Variants in TCF4 observed in about 807,000 individuals in gnomAD.
The protein encoded by TCF4 is SL3-3 enhancer factor 2.
TCF4 carries 3 observed loss-of-function variants against 82.1 expected under a neutral mutation model. That is an observed-to-expected ratio of 0.04 (90% CI 0.02 to 0.09). The LOEUF (loss-of-function observed/expected upper bound fraction) is 0.09, where lower values mean the gene tolerates loss of function less well. Ranked by LOEUF, TCF4 falls within the 10% of genes least tolerant of loss-of-function variation. The probability of loss-of-function intolerance (pLI) is 1.00; values close to 1 mark genes in which losing one functional copy is unlikely to be tolerated. For synonymous variants in TCF4, 276 were observed against 309.6 expected, an observed-to-expected ratio of 0.89 and a Z score of 1.14; for missense variants, 518 against 852.7, an observed-to-expected ratio of 0.61 and a Z score of 4.89.
At chr18:55,363,483 G>C (rs1031523594) in intron 6 of TCF4, among the ~76,000 whole-genome samples, 20 of 152,200 alleles carry the variant, frequency 1.3e-4, no homozygotes, top group African/African-American at 4.6e-4. Context: ...AGAACATATT[G>C]GGACCCAGAC....
At chr18:55,303,465 CA>C (rs1175294412) in intron 8 of TCF4, among the ~76,000 whole-genome samples, 1 of 152,160 alleles carries the variant, frequency 6.6e-6, no homozygotes, top group African/African-American at 2.4e-5. Context: ...GGAGGAATAT[CA>C]GTCGAATATA....
At chr18:55,354,453 C>G (rs945438941) in intron 6 of TCF4, among the ~76,000 whole-genome samples, 5 of 152,180 alleles carry the variant, frequency 3.3e-5, no homozygotes, top group Admixed American at 1.3e-4. Flanking sequence ...CAGCCTTGAT[C>G]AACCACTGAA....
chr18:55,451,065 A>G (rs1005568080), intron 5 of TCF4, among the ~76,000 whole-genome samples: 2 of 152,204 alleles, frequency 1.3e-5, no homozygotes, highest in African/African-American at 4.8e-5. Flanking sequence ...CTGGCTAAAA[A>G]AGAAGCCTTT....
chr18:55,293,931 C>CA (rs2065762196), intron 8 of TCF4, among the ~76,000 whole-genome samples: 1 of 40,034 alleles, frequency 2.5e-5, no homozygotes, highest in Non-Finnish European at 5.1e-5. Flanking sequence ...TTTCCAAGGA[C>CA]TTTTTTTTTT....
intron 3 of TCF4, among the ~76,000 whole-genome samples, chr18:55,567,731 A>G (rs1461581588): frequency 1.3e-5 from 2 of 152,126 alleles, no homozygotes; most frequent in East Asian, 3.9e-4. Context: ...AAAAGGACAC[A>G]ATCAACAAGC....
At chr18:55,521,740 T>A (rs185577270) in intron 3 of TCF4, among the ~76,000 whole-genome samples, 44 of 152,296 alleles carry the variant, frequency 2.9e-4, no homozygotes, top group African/African-American at 1.0e-3. Flanking sequence ...TTATAATAAA[T>A]ATCTAGACAG....
intron 3 of TCF4, among the ~76,000 whole-genome samples, chr18:55,514,816 C>CT (rs1249203214): frequency 3.3e-5 from 5 of 151,844 alleles, no homozygotes; most frequent in Non-Finnish European, 7.4e-5. Flanking sequence ...ATTATTTACT[C>CT]TTTTTTTACA....
intron 3 of TCF4, among the ~76,000 whole-genome samples, chr18:55,549,613 A>G (rs1474135018): frequency 6.6e-6 from 1 of 152,188 alleles, no homozygotes; most frequent in Non-Finnish European, 1.5e-5. Context: ...TCACTGGACA[A>G]CAACAGCATG....
intron 3 of TCF4, among the ~76,000 whole-genome samples, chr18:55,503,822 C>T (rs941710743): frequency 1.3e-5 from 2 of 152,198 alleles, no homozygotes; most frequent in African/African-American, 2.4e-5. Flanking sequence ...TACCTGTAAT[C>T]CCAGCACTTT....
chr18:55,222,562 C>G lies in TCF4; in HGVS notation c.*5473G>C, dbSNP rs1006668051. On this transcript the variant is annotated 3_prime_UTR_variant, in exon 20 of 20. Coordinates refer to ENST00000354452, the MANE Select transcript of TCF4 (RefSeq NM_001083962.2). ...ATGGCGTTATAACATTTTCCTTCAACTAGTCACTAAACCCAATTAGAAAGA... is the reference window on the plus strand; with the variant it reads ...ATGGCGTTATAACATTTTCCTTCAAGTAGTCACTAAACCCAATTAGAAAGA... 6.6e-6 allele frequency: 1 copy of G among 152,162 alleles called. No individual in the cohort carries two copies. Among genetic ancestry groups the G allele is most frequent in the Non-Finnish European group, 1.5e-5 (1 of 67,988 alleles). The allele number at this position is 152,162 out of a possible 1,614,324, so 9.4% of individuals were successfully genotyped here.
intron 3 of TCF4, among the ~76,000 whole-genome samples, chr18:55,533,783 A>G (rs1290815122): frequency 6.6e-6 from 1 of 152,194 alleles, no homozygotes; most frequent in African/African-American, 2.4e-5. Flanking sequence ...ATAAGGTATC[A>G]GACTGTTCTT....
chr18:55,291,298 A>T (rs1267354655), intron 8 of TCF4, among the ~76,000 whole-genome samples: 1 of 152,170 alleles, frequency 6.6e-6, no homozygotes, highest in African/African-American at 2.4e-5. Context: ...TTTGTTAAAG[A>T]TATCTAATAG....
chr18:55,403,118 T>C (rs1191913142), intron 6 of TCF4, among the ~76,000 whole-genome samples: 1 of 152,194 alleles, frequency 6.6e-6, no homozygotes, highest in Non-Finnish European at 1.5e-5. Context: ...ATTTCCTGCG[T>C]AAGAAATTCT....
chr18:55,260,678 T>A lies in TCF4; in HGVS notation c.991-651A>T, dbSNP rs142874720. Among the ~76,000 whole-genome samples the A allele has an allele frequency of 5.8e-3, 880 of 152,154 alleles. 7 individuals are homozygous for A. The highest frequency in any genetic ancestry group is 0.021 in the African/African-American group (856 of 41,514). On this transcript the variant is annotated intron_variant, in intron 12 of 19. Coordinates refer to ENST00000354452, the MANE Select transcript of TCF4 (RefSeq NM_001083962.2). ...GGTTCAAGCGATTCTCCTGCCTCAGTCTCCGGAGTAGCTGGGATTACAGGC... is the reference window on the plus strand; with the variant it reads ...GGTTCAAGCGATTCTCCTGCCTCAGACTCCGGAGTAGCTGGGATTACAGGC...
At chr18:55,320,589 CAT>C (rs1335173733) in intron 8 of TCF4, among the ~76,000 whole-genome samples, 4 of 152,210 alleles carry the variant, frequency 2.6e-5, no homozygotes, top group Non-Finnish European at 2.9e-5. Flanking sequence ...AGCACATACA[CAT>C]GTTTAATTCG....
chr18:55,560,798 CT>C (rs150678721), intron 3 of TCF4, among the ~76,000 whole-genome samples: 17 of 149,304 alleles, frequency 1.1e-4, no homozygotes, highest in African/African-American at 3.2e-4. Context: ...CTGTGAACTC[CT>C]TTTTTTTTTC....
At chr18:55,363,235 A>G (rs1401652118) in intron 6 of TCF4, among the ~76,000 whole-genome samples, 1 of 152,190 alleles carries the variant, frequency 6.6e-6, no homozygotes, top group Non-Finnish European at 1.5e-5. Context: ...AATATTACAG[A>G]AAGATTTATG....
At chr18:55,331,192 G>A (rs1486327612) in intron 8 of TCF4, among the ~76,000 whole-genome samples, 1 of 152,132 alleles carries the variant, frequency 6.6e-6, no homozygotes, top group Non-Finnish European at 1.5e-5. Context: ...TTTCAGGGAA[G>A]AGACAGACAG....
intron 6 of TCF4, among the ~76,000 whole-genome samples, chr18:55,392,434 C>A (rs2093198986): frequency 8.9e-6 from 1 of 112,842 alleles, no homozygotes; most frequent in Non-Finnish European, 1.8e-5. Flanking sequence ...ACCTGGACAA[C>A]ATAGAGACCC....
Sources: gnomAD v4.1 joint callset for allele counts (sites outside exome capture counted in the v4.1 genomes callset) on GRCh38, gnomAD v4.1.1 for gene constraint, MANE v1.5 for transcripts, NCBI Gene and HGNC (gene_info 2026-07-23, HGNC 2026-07-21) for gene names.